The following DNAJC3 variants were observed in gnomAD, a reference collection of about 807,000 sequenced individuals.
DNAJC3 encodes the protein dnaJ homolog subfamily C member 3.
A neutral mutation model predicts 68.6 loss-of-function variants in DNAJC3; 38 were observed. That is an observed-to-expected ratio of 0.55 (90% confidence interval 0.43 to 0.73). The LOEUF is 0.73. DNAJC3 is among the 30% of genes least tolerant of loss of function. The pLI, the probability that DNAJC3 is intolerant of heterozygous loss-of-function variation, is 0.00. For synonymous variants in DNAJC3, 203 were observed against 204.0 expected, an observed-to-expected ratio of 1.00 and a Z score of 0.04; for missense variants, 526 against 591.9, an observed-to-expected ratio of 0.89 and a Z score of 1.16.
In DNAJC3 at chr13:95,754,301, G is replaced by A. The variant is rs190682580; in HGVS notation, c.394-3343G>A. ...GTCTTCCCTTGGTTGCTTCTCACACGGGCCTCTCACATGTCACAACATGGC... is the reference window on the plus strand; with the variant it reads ...GTCTTCCCTTGGTTGCTTCTCACACAGGCCTCTCACATGTCACAACATGGC... On this transcript the variant is annotated intron_variant, in intron 4 of 11. Transcript: ENST00000602402. Among the ~76,000 whole-genome samples, 26 of 152,196 alleles carry A rather than the reference G, an allele frequency of 1.7e-4. No homozygotes were observed. The South Asian group carries it at 3.9e-3, about 23-fold the overall frequency.
intron 1 of DNAJC3, among the ~76,000 whole-genome samples, chr13:95,705,385 C>T (rs1010232611): frequency 6.6e-6 from 1 of 152,166 alleles, no homozygotes. Context: ...ATCCCATCAT[C>T]CGCACTGAAT....
chr13:95,780,852 G>T (rs1883430174), intron 9 of DNAJC3, among the ~76,000 whole-genome samples: 1 of 152,224 alleles, frequency 6.6e-6, no homozygotes, highest in Non-Finnish European at 1.5e-5. Context: ...CCGCGTCACA[G>T]TGCTAACTAT....
chr13:95,785,607 C>T (rs1883578131), intron 9 of DNAJC3, among the ~76,000 whole-genome samples: 1 of 151,092 alleles, frequency 6.6e-6, no homozygotes, highest in Admixed American at 6.6e-5. Context: ...TACAGGCGTG[C>T]ACCACCATGC....
intron 4 of DNAJC3, among the ~76,000 whole-genome samples, chr13:95,741,360 G>C (rs991435666): frequency 1.3e-5 from 2 of 152,190 alleles, no homozygotes; most frequent in Admixed American, 6.5e-5. Context: ...GATTTCTTCA[G>C]TGGCTTAGGG....
intron 1 of DNAJC3, among the ~76,000 whole-genome samples, chr13:95,697,266 T>C (rs891923143): frequency 6.6e-6 from 1 of 152,362 alleles, no homozygotes; most frequent in African/African-American, 2.4e-5. Context: ...ACTTCGTTTC[T>C]CTTTCGTTTA....
chr13:95,736,145 T>C lies in DNAJC3; in HGVS notation c.393+10893T>C, dbSNP rs868365533. ...TCAGATAGTTGTAGATATGCGGCGT[T>C]ATTTCTGAGGGCTCTGTTCTGTTCC... On this transcript the variant is annotated intron_variant, in intron 4 of 11. Transcript: ENST00000602402. Among the ~76,000 whole-genome samples, 535 of 152,236 alleles carry C rather than the reference T, an allele frequency of 3.5e-3. 4 individuals carry two copies. The highest frequency in any genetic ancestry group is 0.012 in the African/African-American group (509 of 41,532).
intron 1 of DNAJC3, among the ~76,000 whole-genome samples, chr13:95,689,292 A>G (rs1254659828): frequency 3.3e-5 from 5 of 149,516 alleles, no homozygotes; most frequent in Non-Finnish European, 7.4e-5. Flanking sequence ...TTATTGGTCT[A>G]TTCAGGATTT....
chr13:95,727,231 T>C (rs1881560122), intron 4 of DNAJC3, among the ~76,000 whole-genome samples: 1 of 152,238 alleles, frequency 6.6e-6, no homozygotes, highest in African/African-American at 2.4e-5. Flanking sequence ...GAGTAGTTTT[T>C]TAGAAATAAT....
intron 3 of DNAJC3, among the ~76,000 whole-genome samples, chr13:95,724,125 A>G (rs1445560919): frequency 3.9e-5 from 6 of 152,250 alleles, no homozygotes; most frequent in Non-Finnish European, 5.9e-5. Context: ...TGGAATTCCC[A>G]AATCTCAAAT....
At chr13:95,705,517 TCTC>T (rs1880709288) in intron 1 of DNAJC3, among the ~76,000 whole-genome samples, 6 of 149,986 alleles carry the variant, frequency 4.0e-5, no homozygotes, top group African/African-American at 1.5e-4. Context: ...TCTCTCTCTC[TCTC>T]TTTTTTTTTT....
At chr13:95,731,305 G>A (rs548854534) in intron 4 of DNAJC3, among the ~76,000 whole-genome samples, 16 of 152,288 alleles carry the variant, frequency 1.1e-4, no homozygotes, top group Non-Finnish European at 2.2e-4. Flanking sequence ...TTGCCTGACT[G>A]GTCTGCCTAG....
intron 2 of DNAJC3, among the ~76,000 whole-genome samples, chr13:95,716,256 G>A (rs1881141912): frequency 6.6e-6 from 1 of 152,230 alleles, no homozygotes; most frequent in Non-Finnish European, 1.5e-5. Flanking sequence ...CGTGCAACAG[G>A]GTTGTGGCTT....
intron 1 of DNAJC3, among the ~76,000 whole-genome samples, chr13:95,679,932 T>C (rs1879869886): frequency 6.6e-6 from 1 of 152,208 alleles, no homozygotes; most frequent in Admixed American, 6.5e-5. Flanking sequence ...TTTTGAAATA[T>C]TTGCCTTTGT....
intron 1 of DNAJC3, among the ~76,000 whole-genome samples, chr13:95,701,986 T>A (rs1352244767): frequency 6.6e-6 from 1 of 152,238 alleles, no homozygotes; most frequent in Non-Finnish European, 1.5e-5. Flanking sequence ...TACATTTGTT[T>A]TAACACATAT....
At chr13:95,758,694 G>C (rs1011041175) in intron 5 of DNAJC3, among the ~76,000 whole-genome samples, 4 of 151,976 alleles carry the variant, frequency 2.6e-5, no homozygotes, top group African/African-American at 9.7e-5. Context: ...CCTGAGTCTA[G>C]GTTTCCTTGC....
At chr13:95,734,872 G>T (rs1323254684) in intron 4 of DNAJC3, among the ~76,000 whole-genome samples, 2 of 148,612 alleles carry the variant, frequency 1.3e-5, no homozygotes. Flanking sequence ...ACATTGTGCA[G>T]GTTAGTTACA....
chr13:95,701,161 A>C (rs1392990820), intron 1 of DNAJC3, among the ~76,000 whole-genome samples: 4 of 152,170 alleles, frequency 2.6e-5, no homozygotes, highest in African/African-American at 7.2e-5. Flanking sequence ...TTCCGCGATG[A>C]TGGGAGATAT....
intron 9 of DNAJC3, among the ~76,000 whole-genome samples, chr13:95,769,007 AT>A (rs143543876): frequency 5.9e-5 from 6 of 101,420 alleles, no homozygotes; most frequent in African/African-American, 2.3e-4. Context: ...ATCTATATCT[AT>A]ATCTATATCT....
rs562611255 is a variant in DNAJC3 at position 95,786,459 on chromosome 13, G to A, written c.1208+388G>A. Among the ~76,000 whole-genome samples, 4 of 152,260 alleles carry A rather than the reference G, an allele frequency of 2.6e-5. No homozygotes were observed. In the South Asian group the frequency reaches 8.3e-4, roughly 32 times the overall value. ...AATAAAGTAGTGCTTTCAGAATTAA[G>A]TCTGAAATTAAGATCTACCTTATAT... On this transcript the variant is annotated intron_variant, in intron 10 of 11. Transcript: ENST00000602402.
Sources: allele counts gnomAD v4.1 joint callset (sites outside exome capture counted in the v4.1 genomes callset), GRCh38; gene constraint gnomAD v4.1.1; transcripts MANE v1.5; gene names NCBI Gene and HGNC (gene_info 2026-07-23, HGNC 2026-07-21).